SNTG1: variants seen among roughly 807,000 people sequenced by gnomAD.
The protein encoded by SNTG1 is syntrophin gamma 1.
A neutral mutation model predicts 74.7 loss-of-function variants in SNTG1; 39 were observed. The ratio of observed to expected loss-of-function variants is 0.52; its 90% confidence interval spans 0.40 to 0.68. SNTG1 has a LOEUF of 0.68. Among genes scored for constraint, SNTG1 ranks in the 30% least tolerant of loss-of-function variants. The pLI, the probability that SNTG1 is intolerant of heterozygous loss-of-function variation, is 0.00. For missense variants in SNTG1, 685 were observed against 609.5 expected (o/e 1.12, Z -1.30); for synonymous variants, 254 against 217.1 (o/e 1.17, Z -1.49).
At chr8:50,462,502 T>C (rs2093572631) in intron 8 of SNTG1, among the ~76,000 whole-genome samples, 1 of 107,822 alleles carries the variant, frequency 9.3e-6, no homozygotes, top group Non-Finnish European at 2.2e-5. Context: ...GCCACATCTA[T>C]TGGCTCTTCC....
chr8:50,470,768 G>A (rs578008786), intron 8 of SNTG1, among the ~76,000 whole-genome samples: 4 of 152,318 alleles, frequency 2.6e-5, no homozygotes, highest in South Asian at 4.1e-4. Context: ...CAAAGAGTGA[G>A]CAGCAGCAAG....
intron 1 of SNTG1, among the ~76,000 whole-genome samples, chr8:49,934,949 T>C (rs1400115795): frequency 6.6e-6 from 1 of 152,048 alleles, no homozygotes; most frequent in African/African-American, 2.4e-5. Context: ...TTAAACATAT[T>C]TTCAAAAGAA....
At chr8:50,061,746 C>T (rs1274186837) in intron 1 of SNTG1, among the ~76,000 whole-genome samples, 3 of 151,848 alleles carry the variant, frequency 2.0e-5, no homozygotes, top group Non-Finnish European at 2.9e-5. Flanking sequence ...CATTATTTTG[C>T]AGTATATGGC....
At chr8:50,770,987 T>G (rs898122417) in intron 18 of SNTG1, among the ~76,000 whole-genome samples, 12 of 152,068 alleles carry the variant, frequency 7.9e-5, no homozygotes, top group African/African-American at 2.7e-4. Flanking sequence ...CCAAATAAAC[T>G]GCTTTTTTAA....
At chr8:50,735,782 A>G (rs1357408361) in intron 17 of SNTG1, among the ~76,000 whole-genome samples, 1 of 152,024 alleles carries the variant, frequency 6.6e-6, no homozygotes, top group Non-Finnish European at 1.5e-5. Context: ...CACCACAAAG[A>G]TACTCCTCAA....
chr8:50,321,414 A>G (rs1436547828), intron 2 of SNTG1, among the ~76,000 whole-genome samples: 1 of 152,074 alleles, frequency 6.6e-6, no homozygotes, highest in Non-Finnish European at 1.5e-5. Flanking sequence ...TTATCAGTCT[A>G]TGTGTGTCTT....
At position 50,394,164 on chromosome 8, in the gene SNTG1, T is replaced by C. The variant is rs187287771; in HGVS notation, c.-27-48T>C. ...CCTCCACTATATTAGTGTTCTCTCT[T>C]ACATGCCATGCTGTGCCTAATGGCT... On this transcript the variant is annotated intron_variant, in intron 2 of 18. Coordinates refer to ENST00000642720, the MANE Select transcript of SNTG1 (RefSeq NM_018967.5). 3 of 1,481,940 alleles carry C rather than the reference T, an allele frequency of 2.0e-6. No homozygotes were observed. In the East Asian group the frequency reaches 6.8e-5, roughly 34 times the overall value. The allele number at this position is 1,481,940 out of a possible 1,614,324, so 91.8% of individuals were successfully genotyped here.
intron 1 of SNTG1, among the ~76,000 whole-genome samples, chr8:50,081,284 TAAGTC>T (rs528357645): frequency 0.01 from 1,560 of 151,972 alleles, 25 homozygotes; most frequent in African/African-American, 0.036. Context: ...TTATTTCTAA[TAAGTC>T]AAGCAATAAT....
rs560555400 is a variant in SNTG1 at position 50,661,755 on chromosome 8, T to C, written c.1038+3092T>C. On this transcript the variant is annotated intron_variant, in intron 15 of 18. Transcript: ENST00000642720. Reference sequence around the variant, plus strand: ...TGTGATGTTCTACTTGGGAAAATGTTTACATAGGTTAGTGAGGCCTGGCGA... The same window carrying C: ...TGTGATGTTCTACTTGGGAAAATGTCTACATAGGTTAGTGAGGCCTGGCGA... Among the ~76,000 whole-genome samples, 32 of 152,226 alleles carry C rather than the reference T, an allele frequency of 2.1e-4. 1 individual carries two copies. The highest frequency in any genetic ancestry group is 7.0e-4 in the African/African-American group (29 of 41,540).
At chr8:50,176,878 A>C (rs574114117) in intron 2 of SNTG1, among the ~76,000 whole-genome samples, 362 of 152,278 alleles carry the variant, frequency 2.4e-3, no homozygotes, top group Non-Finnish European at 4.1e-3. Context: ...GACTTCTGGA[A>C]GTTCTCAAGT....
intron 2 of SNTG1, among the ~76,000 whole-genome samples, chr8:50,340,803 C>G (rs1359374505): frequency 1.3e-5 from 2 of 151,906 alleles, no homozygotes; most frequent in African/African-American, 4.8e-5. Flanking sequence ...AAATGATGCA[C>G]TCTGTAAGTC....
intron 1 of SNTG1, among the ~76,000 whole-genome samples, chr8:50,013,314 C>T (rs956158538): frequency 1.3e-5 from 2 of 152,002 alleles, no homozygotes; most frequent in Non-Finnish European, 1.5e-5. Context: ...CAAAATAGCA[C>T]CTCGTCATAG....
intron 8 of SNTG1, among the ~76,000 whole-genome samples, chr8:50,491,702 T>C (rs1414918263): frequency 7.2e-3 from 228 of 31,862 alleles, no homozygotes; most frequent in African/African-American, 9.2e-3. Flanking sequence ...AACTTATTTA[T>C]TTATTTATTT....
intron 1 of SNTG1, among the ~76,000 whole-genome samples, chr8:50,126,800 G>A (rs2081155172): frequency 6.6e-6 from 1 of 152,012 alleles, no homozygotes; most frequent in South Asian, 2.1e-4. Context: ...ACAAAAGAAA[G>A]CCCATGAGCT....
At chr8:50,652,776 G>A (rs1014508391) in intron 13 of SNTG1, among the ~76,000 whole-genome samples, 2 of 151,952 alleles carry the variant, frequency 1.3e-5, no homozygotes, top group African/African-American at 2.4e-5. Context: ...CAGCCTGGAT[G>A]ACAGAGTGTG....
intron 2 of SNTG1, among the ~76,000 whole-genome samples, chr8:50,344,141 G>A (rs1348672766): frequency 6.6e-6 from 1 of 152,104 alleles, no homozygotes; most frequent in Non-Finnish European, 1.5e-5. Context: ...TTATTCAACT[G>A]AGTTATAGTC....
chr8:50,695,965 T>A (rs548690303), intron 15 of SNTG1, among the ~76,000 whole-genome samples: 1 of 152,108 alleles, frequency 6.6e-6, no homozygotes, highest in Admixed American at 6.5e-5. Flanking sequence ...TGATTTCTTT[T>A]CCTTTGGATA....
At chr8:49,930,235 T>C (rs1807442044) in intron 1 of SNTG1, among the ~76,000 whole-genome samples, 1 of 142,154 alleles carries the variant, frequency 7.0e-6, no homozygotes. Context: ...AGACAATACA[T>C]AAAATAGAAA....
chr8:50,253,331 G>T (rs1586850861), intron 2 of SNTG1, among the ~76,000 whole-genome samples: 1 of 152,052 alleles, frequency 6.6e-6, no homozygotes, highest in African/African-American at 2.4e-5. Flanking sequence ...GCTGAGACAG[G>T]GGAATCATTT....
Sources: allele counts gnomAD v4.1 joint callset (sites outside exome capture counted in the v4.1 genomes callset), GRCh38; gene constraint gnomAD v4.1.1; transcripts MANE v1.5; gene names NCBI Gene and HGNC (gene_info 2026-07-23, HGNC 2026-07-21).